Variants in UBE3A observed in about 807,000 individuals in gnomAD.
UBE3A encodes ubiquitin-protein ligase E3A.
UBE3A carries 6 observed loss-of-function variants against 83.4 expected under a neutral mutation model. The observed-to-expected ratio is 0.07, with a 90% CI of 0.04 to 0.14. The LOEUF is 0.14. Ranked by LOEUF, UBE3A falls within the 10% of genes least tolerant of loss-of-function variation. UBE3A has a pLI of 1.00. For synonymous variants in UBE3A, 337 were observed against 355.4 expected (o/e 0.95, Z 0.58); for missense variants, 456 against 1,036.1 (o/e 0.44, Z 7.69).
intron 1 of UBE3A, among the ~76,000 whole-genome samples, chr15:25,416,361 ACAAC>A (rs1459805725): frequency 1.3e-5 from 2 of 152,198 alleles, no homozygotes; most frequent in African/African-American, 4.8e-5. Context: ...AACAATTACT[ACAAC>A]CAACAATGTG....
At chr15:25,399,381 T>C (rs2086519698) in intron 4 of UBE3A, among the ~76,000 whole-genome samples, 1 of 152,200 alleles carries the variant, frequency 6.6e-6, no homozygotes, top group South Asian at 2.1e-4. Context: ...GAATTTGGTA[T>C]ATGATGTGAG....
intron 4 of UBE3A, among the ~76,000 whole-genome samples, chr15:25,394,317 AATT>A (rs1383647971): frequency 6.6e-6 from 1 of 152,144 alleles, no homozygotes; most frequent in African/African-American, 2.4e-5. Flanking sequence ...ACCTTTCTCT[AATT>A]ATTTGACCTT....
In UBE3A at chr15:25,338,751, T is replaced by C. The variant is rs1332010141; in HGVS notation, c.*386A>G. On this transcript the variant is annotated 3_prime_UTR_variant, in exon 13 of 13. Coordinates refer to ENST00000648336, the MANE Select transcript of UBE3A (RefSeq NM_130839.5). ...TTGGGAGAGTAGTTCTGTTGGTATA[T>C]ATTTTTTAAATACTCAAAAGGCTCA... The C allele has an allele frequency of 6.5e-6, 1 of 152,992 alleles. No individual in the cohort carries two copies. The highest frequency in any genetic ancestry group is 1.5e-5 in the Non-Finnish European group (1 of 68,706). The allele number at this position is 152,992 out of a possible 1,614,324, so 9.5% of individuals were successfully genotyped here. A position where few individuals can be genotyped will look rare whatever the true frequency, so the allele number is the denominator to read the frequency against.
rs1023236720 is a variant in UBE3A, at chr15:25,337,130, A to T, written c.*2007T>A. ...AAGTCTACTTGATGTGAACAACTCTATATCTGATAACCTATTTCAATTACC... is the reference window on the plus strand; with the variant it reads ...AAGTCTACTTGATGTGAACAACTCTTTATCTGATAACCTATTTCAATTACC... On this transcript the variant is annotated 3_prime_UTR_variant, in exon 13 of 13. Transcript: ENST00000648336. The T allele has an allele frequency of 6.6e-6, 1 of 152,178 alleles. No individual in the cohort carries two copies. The highest frequency in any genetic ancestry group is 1.9e-4 in the East Asian group (1 of 5,194). 9.4% of individuals were successfully genotyped at this position (152,178 alleles called of 1,614,324 possible).
chr15:25,367,249 GCATATTTGTAAATATGTAAATATTTA>G (rs1371857561), intron 6 of UBE3A, among the ~76,000 whole-genome samples: 9,382 of 49,010 alleles, frequency 0.19, 626 homozygotes, highest in East Asian at 0.45. Flanking sequence ...GTAAATATTT[GCATATTTGTAAATATGTAAATATTTA>G]CATATTTAAA....
At chr15:25,351,377 A>G (rs2076474823) in intron 11 of UBE3A, among the ~76,000 whole-genome samples, 1 of 152,228 alleles carries the variant, frequency 6.6e-6, no homozygotes, top group Non-Finnish European at 1.5e-5. Flanking sequence ...CCACGATAAA[A>G]ATTACTAGAA....
At chr15:25,431,858 C>T (rs985740765) in intron 1 of UBE3A, among the ~76,000 whole-genome samples, 16 of 151,992 alleles carry the variant, frequency 1.1e-4, no homozygotes, top group Non-Finnish European at 1.8e-4. Context: ...ATTTATGGCA[C>T]GCTGTAAGAT....
intron 6 of UBE3A, among the ~76,000 whole-genome samples, chr15:25,369,008 A>G (rs950962465): frequency 6.6e-6 from 1 of 152,128 alleles, no homozygotes; most frequent in African/African-American, 2.4e-5. Context: ...AGCCAAACAT[A>G]AAGTATGTAG....
chr15:25,339,294 T>A, intron 12 of UBE3A, 37 bp from the exon 13 acceptor site: 1 of 1,605,836 alleles, frequency 6.2e-7, no homozygotes. Flanking sequence ...AGGAAAACTG[T>A]AAGTCATGGG....
chr15:25,382,287 C>T (rs2082305283), intron 4 of UBE3A, among the ~76,000 whole-genome samples: 2 of 150,908 alleles, frequency 1.3e-5, no homozygotes, highest in African/African-American at 4.9e-5. Context: ...AGCCACTGCA[C>T]TGTGGCCTGG....
intron 5 of UBE3A, among the ~76,000 whole-genome samples, chr15:25,372,273 A>T (rs2080422538): frequency 6.6e-6 from 1 of 152,066 alleles, no homozygotes; most frequent in Non-Finnish European, 1.5e-5. Flanking sequence ...GCAAGGTCTT[A>T]AAAAAAGGCT....
At chr15:25,417,195 C>T (rs1179812802) in intron 1 of UBE3A, among the ~76,000 whole-genome samples, 1 of 152,058 alleles carries the variant, frequency 6.6e-6, no homozygotes, top group African/African-American at 2.4e-5. Flanking sequence ...GAAGAGAACA[C>T]GGTGACACTG....
At chr15:25,384,847 A>G (rs1053158146) in intron 4 of UBE3A, among the ~76,000 whole-genome samples, 6 of 152,178 alleles carry the variant, frequency 3.9e-5, no homozygotes, top group African/African-American at 1.4e-4. Flanking sequence ...GAGAGAACAC[A>G]GAAATAGGGA....
chr15:25,391,410 G>T (rs955593225), intron 4 of UBE3A, among the ~76,000 whole-genome samples: 3 of 152,202 alleles, frequency 2.0e-5, no homozygotes, highest in African/African-American at 7.2e-5. Flanking sequence ...AAGTTCTAGA[G>T]ATCTGCTGCA....
At chr15:25,351,605 G>A (rs2076521335) in intron 11 of UBE3A, among the ~76,000 whole-genome samples, 1 of 152,194 alleles carries the variant, frequency 6.6e-6, no homozygotes, top group African/African-American at 2.4e-5. Context: ...GAGGAGCTGG[G>A]ATTACAGCTG....
At chr15:25,353,712 C>A (rs2076836829) in intron 11 of UBE3A, among the ~76,000 whole-genome samples, 1 of 152,158 alleles carries the variant, frequency 6.6e-6, no homozygotes, top group Non-Finnish European at 1.5e-5. Context: ...TCACTGCAAT[C>A]CATCAGTAGC....
At position 25,398,794 on chromosome 15, in the gene UBE3A, TATATATATATATATATATATAA is replaced by T. The variant is rs1469185642; in HGVS notation, c.62+6645_62+6666del. On this transcript the variant is annotated intron_variant, in intron 4 of 12. Coordinates refer to ENST00000648336, the MANE Select transcript of UBE3A (RefSeq NM_130839.5). ...ATTTATATATATATATATATATATATATATATATATATATATATATAAAAATACATATATATCCAAGTGTGAC... is the reference window on the plus strand; with the variant it reads ...ATTTATATATATATATATATATATATAAATACATATATATCCAAGTGTGAC... 5.9e-3 allele frequency among the ~76,000 whole-genome samples: 425 copies of T among 72,572 alleles called. 19 individuals carry two copies. The highest frequency in any genetic ancestry group is 0.031 in the Middle Eastern group (6 of 196). The allele number at this position is 72,572 out of a possible 152,430, so 47.6% of individuals were successfully genotyped here.
chr15:25,349,799 G>T (rs935254409), intron 11 of UBE3A, among the ~76,000 whole-genome samples: 3 of 152,046 alleles, frequency 2.0e-5, no homozygotes, highest in African/African-American at 7.2e-5. Flanking sequence ...GTAAAATAAG[G>T]GTTACTTGAA....
chr15:25,373,453 T>C (rs1280116456), intron 5 of UBE3A: 2 of 152,156 alleles, frequency 1.3e-5, no homozygotes, highest in African/African-American at 4.8e-5. Context: ...ATATAGAATG[T>C]ACCTATACTT....
Sources: gnomAD v4.1 joint callset for allele counts (sites outside exome capture counted in the v4.1 genomes callset) on GRCh38, gnomAD v4.1.1 for gene constraint, MANE v1.5 for transcripts, NCBI Gene and HGNC (gene_info 2026-07-23, HGNC 2026-07-21) for gene names.